ROBO1: variants seen among roughly 807,000 people sequenced by gnomAD.
The protein encoded by ROBO1 is roundabout homolog 1.
In ROBO1, 149 loss-of-function variants were observed where a neutral mutation model predicts 195.9. The observed-to-expected ratio is 0.76, with a 90% CI of 0.67 to 0.87. The LOEUF is 0.87. Ranked by LOEUF, ROBO1 falls within the 40% of genes least tolerant of loss-of-function variation. The pLI is 0.00. For missense variants in ROBO1, 1,933 were observed against 2,068.3 expected (o/e 0.93, Z 1.27); for synonymous variants, 816 against 733.2 (o/e 1.11, Z -1.82).
intron 2 of ROBO1, among the ~76,000 whole-genome samples, chr3:79,199,887 G>C (rs1180609323): frequency 6.6e-6 from 1 of 151,614 alleles, no homozygotes; most frequent in East Asian, 1.9e-4. Flanking sequence ...ATAAAGTGAG[G>C]GTGAATAATG....
At chr3:79,065,287 T>G (rs1282483271) in intron 3 of ROBO1, among the ~76,000 whole-genome samples, 1 of 151,974 alleles carries the variant, frequency 6.6e-6, no homozygotes, top group Admixed American at 6.6e-5. Flanking sequence ...AATTCTGTCA[T>G]TCCCTATGTC....
At chr3:79,042,842 A>G (rs1293492819) in intron 3 of ROBO1, among the ~76,000 whole-genome samples, 1 of 152,176 alleles carries the variant, frequency 6.6e-6, no homozygotes, top group Non-Finnish European at 1.5e-5. Context: ...CTATAATAAA[A>G]TCTGAATTCT....
chr3:79,220,057 G>A (rs778196688), intron 2 of ROBO1, among the ~76,000 whole-genome samples: 2 of 151,904 alleles, frequency 1.3e-5, no homozygotes, highest in Admixed American at 1.3e-4. Flanking sequence ...CCATAATAAA[G>A]GTGAAATATT....
chr3:79,216,273 G>A (rs919974490), intron 2 of ROBO1, among the ~76,000 whole-genome samples: 1 of 151,906 alleles, frequency 6.6e-6, no homozygotes, highest in African/African-American at 2.4e-5. Flanking sequence ...CTATCTGAGG[G>A]GCAATTTAGA....
intron 3 of ROBO1, among the ~76,000 whole-genome samples, chr3:78,948,819 G>A (rs2040606389): frequency 1.3e-5 from 2 of 152,108 alleles, no homozygotes; most frequent in South Asian, 4.1e-4. Context: ...AAAGTCTCAG[G>A]ATACAAAATC....
At chr3:79,106,229 T>C (rs2108521124) in intron 3 of ROBO1, among the ~76,000 whole-genome samples, 1 of 151,796 alleles carries the variant, frequency 6.6e-6, no homozygotes, top group Admixed American at 6.6e-5. Flanking sequence ...AGTTAAGAGG[T>C]TTCTAAAAGC....
At chr3:78,728,085 G>T (rs775784607) in intron 5 of ROBO1, among the ~76,000 whole-genome samples, 2 of 151,756 alleles carry the variant, frequency 1.3e-5, no homozygotes, top group South Asian at 2.1e-4. Flanking sequence ...AAGATTTTTT[G>T]ATCTTTCTAT....
intron 3 of ROBO1, among the ~76,000 whole-genome samples, chr3:79,034,356 C>G (rs918759252): frequency 1.3e-5 from 2 of 152,114 alleles, no homozygotes; most frequent in Admixed American, 6.6e-5. Flanking sequence ...CACATTTACA[C>G]AGGATGGCCT....
chr3:79,587,590 A>G (rs1370274360), intron 2 of ROBO1, among the ~76,000 whole-genome samples: 1 of 151,792 alleles, frequency 6.6e-6, no homozygotes, highest in Non-Finnish European at 1.5e-5. Context: ...CTTAAGAGAA[A>G]GAGTGGAAAA....
intron 4 of ROBO1, among the ~76,000 whole-genome samples, chr3:78,841,262 C>G (rs1263030494): frequency 6.6e-6 from 1 of 152,084 alleles, no homozygotes; most frequent in Non-Finnish European, 1.5e-5. Flanking sequence ...AGACCATACA[C>G]AAACTATGAA....
At chr3:78,768,671 T>C (rs552513633) in intron 4 of ROBO1, among the ~76,000 whole-genome samples, 2 of 152,170 alleles carry the variant, frequency 1.3e-5, no homozygotes, top group East Asian at 3.9e-4. Context: ...ATTATTATAC[T>C]TTAAGTTTTA....
chr3:79,209,566 A>C (rs2108798729), intron 2 of ROBO1, among the ~76,000 whole-genome samples: 1 of 152,210 alleles, frequency 6.6e-6, no homozygotes. Flanking sequence ...TTAGTTCTTT[A>C]AGGAAACTCC....
intron 2 of ROBO1, among the ~76,000 whole-genome samples, chr3:79,552,948 G>A (rs1942574305): frequency 6.6e-6 from 1 of 151,952 alleles, no homozygotes; most frequent in Admixed American, 6.6e-5. Context: ...CTATTGCTAA[G>A]GCCATTATGG....
At chr3:79,666,837 T>C (rs1441420142) in intron 1 of ROBO1, among the ~76,000 whole-genome samples, 2 of 151,984 alleles carry the variant, frequency 1.3e-5, no homozygotes, top group African/African-American at 4.8e-5. Context: ...AATCTGACTT[T>C]AAAGATCATT....
Position 79,208,720 on chromosome 3 carries a change from T to TGC in ROBO1, c.89-83183_89-83182dup, listed in dbSNP as rs112163145. ...GTGTGTGTGTGTGTGTGTGTGTGTG[T>TGC]GCGCCTGCATGCATGTGTGTTGTGT... is the stretch of plus-strand genomic sequence containing the variant. On this transcript the variant is annotated intron_variant, in intron 2 of 30. Transcript: ENST00000464233. Among the ~76,000 whole-genome samples, 123 of 140,092 alleles carry TGC rather than the reference T, an allele frequency of 8.8e-4. 1 individual carries two copies. The highest frequency in any genetic ancestry group is 2.9e-3 in the African/African-American group (113 of 39,364). The allele number at this position is 140,092 out of a possible 152,430, so 91.9% of individuals were successfully genotyped here. A position where few individuals can be genotyped will look rare whatever the true frequency, so the allele number is the denominator to read the frequency against.
At chr3:78,725,037 T>C (rs2082130501) in intron 5 of ROBO1, among the ~76,000 whole-genome samples, 1 of 152,172 alleles carries the variant, frequency 6.6e-6, no homozygotes, top group Non-Finnish European at 1.5e-5. Context: ...ATCCGGGTAG[T>C]GGAGAAGCAG....
intron 3 of ROBO1, among the ~76,000 whole-genome samples, chr3:78,979,424 AT>A (rs2076946625): frequency 6.6e-6 from 1 of 152,352 alleles, no homozygotes; most frequent in South Asian, 2.1e-4. Flanking sequence ...GCTGAAAGCA[AT>A]GGACTGAATA....
intron 2 of ROBO1, among the ~76,000 whole-genome samples, chr3:79,501,633 T>C (rs1575925393): frequency 6.6e-6 from 1 of 152,218 alleles, no homozygotes; most frequent in Non-Finnish European, 1.5e-5. Context: ...AAAAACTTTG[T>C]CATGCATCTG....
chr3:78,766,508 G>T (rs141669090), intron 4 of ROBO1, among the ~76,000 whole-genome samples: 1 of 152,228 alleles, frequency 6.6e-6, no homozygotes, highest in Non-Finnish European at 1.5e-5. Context: ...AGTTCTAGGA[G>T]CTTTCTGGAG....
Sources: gnomAD v4.1 joint callset for allele counts (sites outside exome capture counted in the v4.1 genomes callset) on GRCh38, gnomAD v4.1.1 for gene constraint, MANE v1.5 for transcripts, NCBI Gene and HGNC (gene_info 2026-07-23, HGNC 2026-07-21) for gene names.